NEXN: variants seen among roughly 807,000 people sequenced by gnomAD.
NEXN encodes the protein nexilin.
NEXN carries 65 observed loss-of-function variants against 92.6 expected under a neutral mutation model. The observed-to-expected ratio is 0.70, with a 90% CI of 0.57 to 0.86. NEXN has a LOEUF of 0.86. Among genes scored for constraint, NEXN ranks in the 40% least tolerant of loss-of-function variants. The probability of loss-of-function intolerance (pLI) is 0.00; values close to 1 mark genes in which losing one functional copy is unlikely to be tolerated. For missense variants in NEXN, 778 were observed against 771.1 expected, an observed-to-expected ratio of 1.01 and a Z score of -0.11; for synonymous variants, 254 against 242.5, an observed-to-expected ratio of 1.05 and a Z score of -0.44.
At chr1:77,891,943 T>A (rs1458104236) in intron 1 of NEXN, among the ~76,000 whole-genome samples, 1 of 151,404 alleles carries the variant, frequency 6.6e-6, no homozygotes, top group African/African-American at 2.4e-5. Flanking sequence ...ATTAGCCAGA[T>A]GTGGTGGTGC....
chr1:77,908,997 A>G (rs556654003), intron 1 of NEXN, among the ~76,000 whole-genome samples: 1 of 152,344 alleles, frequency 6.6e-6, no homozygotes, highest in Admixed American at 6.5e-5. Context: ...TATGTAAGAG[A>G]AGTTTGAAAG....
In NEXN at chr1:77,942,759, T is replaced by C. The variant is rs752936710; in HGVS notation, c.1958T>C (p.Met653Thr). ...ETFPEDGGEYMCKAVNNKGSA... is the reference protein window; with the variant it reads ...ETFPEDGGEYTCKAVNNKGSA... ...TTCCCAGAAGATGGAGGAGAGTATA[T>C]GTGTAAAGCAGTCAACAATAAAGGA... Residue 653 changes from methionine to threonine, a missense_variant, in exon 13 of 13, where the codon ATG (methionine) becomes ACG (threonine). By Grantham distance (81) the Met-to-Thr change is moderately conservative. This residue lies in a region of NEXN where 532 missense variants were observed against 476.7 expected (regional missense o/e 1.12). Transcript: ENST00000334785. The C allele has an allele frequency of 3.7e-6, 6 of 1,613,380 alleles. No homozygotes were observed. The Admixed American group carries it at 8.3e-5, about 22-fold the overall frequency.
intron 1 of NEXN, among the ~76,000 whole-genome samples, chr1:77,912,710 T>G (rs1440539261): frequency 6.6e-6 from 1 of 152,220 alleles, no homozygotes; most frequent in Non-Finnish European, 1.5e-5. Context: ...AAGATTATTT[T>G]CAACAAATGG....
chr1:77,940,030 C>T (rs986386617), intron 11 of NEXN, among the ~76,000 whole-genome samples: 10 of 152,130 alleles, frequency 6.6e-5, no homozygotes, highest in Non-Finnish European at 1.3e-4. Context: ...GCCGAGATCA[C>T]GCCACTGCAC....
intron 5 of NEXN, among the ~76,000 whole-genome samples, chr1:77,920,694 A>G (rs547943486): frequency 5.9e-5 from 9 of 151,722 alleles, no homozygotes; most frequent in African/African-American, 1.7e-4. Flanking sequence ...GTTAGAATCA[A>G]TTTGGGGAAG....
intron 5 of NEXN, among the ~76,000 whole-genome samples, chr1:77,924,636 G>A (rs1649707722): frequency 6.7e-6 from 1 of 148,182 alleles, no homozygotes; most frequent in Non-Finnish European, 1.5e-5. Flanking sequence ...ACAGAGGGTA[G>A]GCTTTATCTT....
intron 1 of NEXN, among the ~76,000 whole-genome samples, chr1:77,900,302 G>A (rs1367395468): frequency 2.6e-5 from 4 of 152,074 alleles, no homozygotes; most frequent in Admixed American, 6.6e-5. Context: ...CATTGTCTCC[G>A]TGAAACCTTC....
At chr1:77,924,846 G>A (rs960443078) in intron 5 of NEXN, among the ~76,000 whole-genome samples, 1 of 152,052 alleles carries the variant, frequency 6.6e-6, no homozygotes, top group African/African-American at 2.4e-5. Context: ...TTTTTGTAGA[G>A]AAGGGATCTC....
intron 1 of NEXN, among the ~76,000 whole-genome samples, chr1:77,895,035 T>G (rs894924912): frequency 1.0e-4 from 8 of 77,942 alleles, no homozygotes; most frequent in Non-Finnish European, 1.5e-4. Context: ...TGTAATTTTT[T>G]TTTTTTTTTT....
rs1249477902 is a variant in NEXN, at chr1:77,943,064, C to G, written c.*235C>G. On this transcript the variant is annotated 3_prime_UTR_variant, in exon 13 of 13. Coordinates refer to ENST00000334785, the MANE Select transcript of NEXN (RefSeq NM_144573.4). ...TAACAGTCTTCAAAGCACAGCTCAT[C>G]TAAAGAATGCCTACTTCTTTTCCAA... 5 of 518,680 alleles carry G rather than the reference C, an allele frequency of 9.6e-6. No homozygotes were observed. The highest frequency in any genetic ancestry group is 4.1e-5 in the East Asian group (1 of 24,226). The allele number at this position is 518,680 out of a possible 1,614,324, so 32.1% of individuals were successfully genotyped here. A position where few individuals can be genotyped will look rare whatever the true frequency, so the allele number is the denominator to read the frequency against.
chr1:77,923,580 C>G (rs964545541), intron 5 of NEXN, among the ~76,000 whole-genome samples: 1 of 152,050 alleles, frequency 6.6e-6, no homozygotes, highest in Non-Finnish European at 1.5e-5. Context: ...TTTAAACCAC[C>G]TATCTTCTCT....
intron 1 of NEXN, among the ~76,000 whole-genome samples, chr1:77,907,340 A>C (rs1015428574): frequency 6.6e-6 from 1 of 152,226 alleles, no homozygotes; most frequent in Non-Finnish European, 1.5e-5. Flanking sequence ...AAGGAATCTT[A>C]TATGTATTTA....
At chr1:77,931,231 C>CAAAAAAAAAAAAAAAAAA (rs367898061) in intron 9 of NEXN, among the ~76,000 whole-genome samples, 1 of 120,568 alleles carries the variant, frequency 8.3e-6, no homozygotes, top group Admixed American at 8.6e-5. Context: ...ACTAAAAATA[C>CAAAAAAAAAAAAAAAAAA]AAAAAAAAAA....
At position 77,942,679 on chromosome 1, in the gene NEXN, A is replaced by G; in HGVS notation, c.1878A>G (p.Glu626=). Residue 626 remains glutamate, a synonymous_variant, in exon 13 of 13, where the codon GAA becomes GAG. Transcript: ENST00000334785. The part of the protein sequence containing the change: ...WFEGEILQDG[E]DYQYIERGET... ...AAGGAGAAATACTGCAGGATGGAGA[A>G]GACTATCAATATATTGAAAGGGGAG... 1 of 1,613,822 alleles carries G rather than the reference A, an allele frequency of 6.2e-7. No individual in the cohort carries two copies. Among genetic ancestry groups the G allele is most frequent in the Non-Finnish European group, 8.5e-7 (1 of 1,179,750 alleles).
chr1:77,935,763 G>T, intron 10 of NEXN, 60 bp from the exon 11 acceptor site: 1 of 1,489,802 alleles, frequency 6.7e-7, no homozygotes, highest in Non-Finnish European at 9.3e-7. Flanking sequence ...GGCCAGCCTT[G>T]GCAACATAGT....
rs776869661 is a variant in NEXN at position 77,935,803 on chromosome 1, C to A, written c.1252-20C>A. 4.2e-5 allele frequency: 68 copies of A among 1,600,574 alleles called. No individual in the cohort carries two copies. Among genetic ancestry groups the A allele is most frequent in the Admixed American group, 5.0e-5 (3 of 59,928 alleles). On this transcript the variant is annotated intron_variant, in intron 10 of 12. Transcript: ENST00000334785. ...CTCTCTCAAAAACAGCAGCAACAAA[C>A]TTATTAATTTTTTTTGAAGGAAGAG...
chr1:77,897,022 C>G (rs1465923075), intron 1 of NEXN, among the ~76,000 whole-genome samples: 1 of 152,158 alleles, frequency 6.6e-6, no homozygotes, highest in Non-Finnish European at 1.5e-5. Flanking sequence ...TAATCAATAG[C>G]TTACCAACCA....
intron 1 of NEXN, among the ~76,000 whole-genome samples, chr1:77,913,144 G>A (rs544687914): frequency 2.0e-5 from 3 of 152,332 alleles, no homozygotes; most frequent in South Asian, 4.1e-4. Context: ...GCTGGGGACA[G>A]TGGCTCACGC....
Position 77,934,009 on chromosome 1 carries a change from TAA to T in NEXN, c.1251+531_1251+532del, listed in dbSNP as rs1349109547. 8.8e-3 allele frequency among the ~76,000 whole-genome samples: 815 copies of T among 92,578 alleles called. 4 individuals carry two copies. The highest frequency in any genetic ancestry group is 0.034 in the African/African-American group (760 of 22,308). 60.7% of individuals were successfully genotyped at this position (92,578 alleles called of 152,430 possible). On this transcript the variant is annotated intron_variant, in intron 10 of 12. Transcript: ENST00000334785. ...CGCAGCACCATGTCTGGCTAATTTT[TAA>T]TTTTTTTTTTTTTTTTGAGATGGAG...
Sources: allele counts gnomAD v4.1 joint callset (sites outside exome capture counted in the v4.1 genomes callset), GRCh38; gene constraint gnomAD v4.1.1; regional missense constraint gnomAD v4.1.1; transcripts MANE v1.5; gene names NCBI Gene and HGNC (gene_info 2026-07-23, HGNC 2026-07-21).